The following SDK2 variants were observed in gnomAD, a reference collection of about 807,000 sequenced individuals.
SDK2 encodes the protein sidekick cell adhesion molecule 2, also known as protein sidekick-2.
SDK2 carries 105 observed loss-of-function variants against 253.9 expected under a neutral mutation model. That is an observed-to-expected ratio of 0.41 (90% CI 0.35 to 0.49). The LOEUF (loss-of-function observed/expected upper bound fraction) is 0.49, where lower values mean the gene tolerates loss of function less well. SDK2 is among the 20% of genes least tolerant of loss of function. SDK2 has a pLI of 0.06. For missense variants in SDK2, 2,608 were observed against 3,003.0 expected, an observed-to-expected ratio of 0.87 and a Z score of 3.07; for synonymous variants, 1,249 against 1,234.9, an observed-to-expected ratio of 1.01 and a Z score of -0.24.
chr17:73,524,883 A>G lies in SDK2; in HGVS notation c.65-17286T>C, dbSNP rs1411579456. Reference sequence around the variant, plus strand: ...ATCGCTGGGTGCTTCCTCCTCAATCATGCAGACGTTTCAGGCAGGAGCAAG... The same window carrying G: ...ATCGCTGGGTGCTTCCTCCTCAATCGTGCAGACGTTTCAGGCAGGAGCAAG... On this transcript the variant is annotated intron_variant, in intron 1 of 44. Coordinates refer to ENST00000392650, the MANE Select transcript of SDK2 (RefSeq NM_001144952.2). Among the ~76,000 whole-genome samples the G allele has an allele frequency of 2.6e-5, 4 of 152,364 alleles. No homozygotes were observed. In the East Asian group the frequency reaches 7.7e-4, roughly 29 times the overall value.
intron 1 of SDK2, among the ~76,000 whole-genome samples, chr17:73,547,120 C>T (rs1400053654): frequency 6.6e-6 from 1 of 152,226 alleles, no homozygotes; most frequent in Non-Finnish European, 1.5e-5. Context: ...AGCCAAGTCT[C>T]CTCTTTTGGA....
In SDK2 at chr17:73,511,887, A is replaced by G. The variant is rs904328031; in HGVS notation, c.65-4290T>C. On this transcript the variant is annotated intron_variant, in intron 1 of 44. Coordinates refer to ENST00000392650, the MANE Select transcript of SDK2 (RefSeq NM_001144952.2). This position sits in a 1 kb window ranked among gnomAD's most constrained non-coding sequence, Gnocchi z 4.9. ...GATAACAGAACGTGTGGACGTGTCTATGTGTGCACGTGTTTATGTGTGCAG... is the reference window on the plus strand; with the variant it reads ...GATAACAGAACGTGTGGACGTGTCTGTGTGTGCACGTGTTTATGTGTGCAG... Among the ~76,000 whole-genome samples the G allele has an allele frequency of 2.6e-5, 4 of 151,860 alleles. No individual in the cohort carries two copies. The highest frequency in any genetic ancestry group is 1.3e-4 in the Admixed American group (2 of 15,290).
At chr17:73,468,002 C>T (rs2063615046) in intron 3 of SDK2, among the ~76,000 whole-genome samples, 2 of 152,188 alleles carry the variant, frequency 1.3e-5, no homozygotes, top group Admixed American at 1.3e-4. Context: ...CTGGGCAGCA[C>T]AGCATGGTCC....
At chr17:73,349,589 G>A (rs2062516716) in intron 43 of SDK2, among the ~76,000 whole-genome samples, 1 of 152,224 alleles carries the variant, frequency 6.6e-6, no homozygotes, top group Non-Finnish European at 1.5e-5. Context: ...CTAGGAGGGG[G>A]CTGGGGTTAG....
intron 2 of SDK2, among the ~76,000 whole-genome samples, chr17:73,491,286 C>T (rs997739412): frequency 6.6e-6 from 1 of 152,088 alleles, no homozygotes. Context: ...TGGGGAGCTT[C>T]AGTCCCAGGT....
chr17:73,453,033 C>T (rs948933892), intron 4 of SDK2, among the ~76,000 whole-genome samples: 3 of 152,218 alleles, frequency 2.0e-5, no homozygotes, highest in Non-Finnish European at 2.9e-5. Context: ...TGGGGTGCCA[C>T]TCCAATTCTT....
chr17:73,375,365 C>A (rs566723403), intron 36 of SDK2, among the ~76,000 whole-genome samples: 1 of 151,312 alleles, frequency 6.6e-6, no homozygotes, highest in African/African-American at 2.4e-5. Flanking sequence ...CCTCCCACCC[C>A]GTTGGCTGGG....
At chr17:73,497,420 C>A (rs1475587971) in intron 2 of SDK2, among the ~76,000 whole-genome samples, 1 of 152,186 alleles carries the variant, frequency 6.6e-6, no homozygotes, top group African/African-American at 2.4e-5. Flanking sequence ...TCTCATCCTG[C>A]CATGTCAACA....
At position 73,418,285 on chromosome 17, in the gene SDK2, C is replaced by T. The variant is rs113740298; in HGVS notation, c.2186+881G>A. On this transcript the variant is annotated intron_variant, in intron 16 of 44. Transcript: ENST00000392650. ...CCTCCCAAATTGCTGGGATTACAGG[C>T]GTGAAACACCACGCCCGGCCTGAAA... 6.8e-3 allele frequency among the ~76,000 whole-genome samples: 1,036 copies of T among 152,272 alleles called. 10 individuals carry two copies. Among genetic ancestry groups the T allele is most frequent in the African/African-American group, 0.023 (948 of 41,550 alleles).
intron 18 of SDK2, among the ~76,000 whole-genome samples, chr17:73,405,323 C>T (rs1171383876): frequency 7.9e-6 from 1 of 127,262 alleles, no homozygotes; most frequent in Non-Finnish European, 1.7e-5. Flanking sequence ...GCCTGTAATC[C>T]CAGCTACTCT....
chr17:73,576,371 C>A (rs1053593874), intron 1 of SDK2, among the ~76,000 whole-genome samples: 1 of 152,016 alleles, frequency 6.6e-6, no homozygotes. Context: ...ATGAGAGGGG[C>A]GTCCCAAGGA....
chr17:73,399,246 G>A lies in SDK2; in HGVS notation c.3015C>T (p.Gly1005=), dbSNP rs775438348. Residue 1005 remains glycine (G), a synonymous_variant, in exon 22 of 45, where the codon GGC becomes GGT. Transcript: ENST00000392650. ...PPTNLGISNI[G]PRSVTLQFRP... The stretch of plus-strand genomic sequence containing the variant: ...TGAACTGCAAGGTCACAGAGCGGGG[G>A]CCGATGTTGGAAATGCCCAGGTTGG... 3.1e-6 allele frequency: 5 copies of A among 1,613,706 alleles called. No homozygotes were observed. Among genetic ancestry groups the A allele is most frequent in the South Asian group, 2.2e-5 (2 of 91,072 alleles).
chr17:73,601,006 T>G (rs1010350399), intron 1 of SDK2, among the ~76,000 whole-genome samples: 1 of 152,008 alleles, frequency 6.6e-6, no homozygotes, highest in Non-Finnish European at 1.5e-5. Context: ...CTTTTCATTT[T>G]ATTATTTAAA....
At chr17:73,554,500 G>A (rs1450143890) in intron 1 of SDK2, among the ~76,000 whole-genome samples, 40 of 152,216 alleles carry the variant, frequency 2.6e-4, no homozygotes, top group Non-Finnish European at 5.9e-5. Context: ...TGAAGACACA[G>A]GGAGAAGATG....
rs1038952681 is a variant in SDK2 at position 73,529,184 on chromosome 17, G to A, written c.65-21587C>T. 2.0e-5 allele frequency among the ~76,000 whole-genome samples: 3 copies of A among 152,326 alleles called. No individual in the cohort carries two copies. In the South Asian group the frequency reaches 6.2e-4, roughly 32 times the overall value. ...GAGAGGAGGTGGTTTCGTCTGTAAT[G>A]AGCGAAAAGCATGCATGAGTGGGAA... On this transcript the variant is annotated intron_variant, in intron 1 of 44. Coordinates refer to ENST00000392650, the MANE Select transcript of SDK2 (RefSeq NM_001144952.2).
rs144346463 is a variant in SDK2, at chr17:73,384,305, T to C, written c.4570-294A>G. 2.5e-3 allele frequency among the ~76,000 whole-genome samples: 374 copies of C among 152,248 alleles called. 1 individual carries two copies. The highest frequency in any genetic ancestry group is 6.7e-3 in the African/African-American group (279 of 41,560). On this transcript the variant is annotated intron_variant, in intron 32 of 44. Coordinates refer to ENST00000392650, the MANE Select transcript of SDK2 (RefSeq NM_001144952.2). ...ACTTGCCCAAGATCACAGAGCATCA[T>C]TGGGGCCTGGAGCACACAGCTGTTT...
At chr17:73,509,036 C>T (rs968346747) in intron 1 of SDK2, among the ~76,000 whole-genome samples, 5 of 152,134 alleles carry the variant, frequency 3.3e-5, no homozygotes, top group African/African-American at 1.2e-4. Context: ...CACACTGTGC[C>T]CAGAGGGGTG....
chr17:73,424,650 G>A (rs1244820617), intron 12 of SDK2, among the ~76,000 whole-genome samples: 1 of 152,226 alleles, frequency 6.6e-6, no homozygotes, highest in Non-Finnish European at 1.5e-5. Context: ...CTCTGAATTT[G>A]TTCTTGAGGA....
intron 12 of SDK2, among the ~76,000 whole-genome samples, chr17:73,425,745 G>T (rs949566048): frequency 3.9e-5 from 6 of 152,088 alleles, no homozygotes; most frequent in African/African-American, 1.4e-4. Flanking sequence ...GACCTCAAGT[G>T]ATCCACCTGC....
Sources: gnomAD v4.1 joint callset for allele counts (sites outside exome capture counted in the v4.1 genomes callset) on GRCh38, gnomAD v4.1.1 for gene constraint, Gnocchi (gnomAD v3.1) non-coding constraint, MANE v1.5 for transcripts, NCBI Gene and HGNC (gene_info 2026-07-23, HGNC 2026-07-21) for gene names.